Variants in CRYZL1 observed in about 807,000 individuals in gnomAD.
The protein encoded by CRYZL1 is ferry endosomal RAB5 effector complex subunit 4.
A neutral mutation model predicts 50.6 loss-of-function variants in CRYZL1; 34 were observed. That is an observed-to-expected ratio of 0.67 (90% confidence interval 0.51 to 0.89). CRYZL1 has a LOEUF of 0.89. Ranked by LOEUF, CRYZL1 falls within the 40% of genes least tolerant of loss-of-function variation. The pLI is 0.00. For synonymous variants in CRYZL1, 125 were observed against 134.3 expected, an observed-to-expected ratio of 0.93 and a Z score of 0.48; for missense variants, 354 against 402.3, an observed-to-expected ratio of 0.88 and a Z score of 1.03.
At chr21:33,609,726 G>A (rs983603457) in intron 6 of CRYZL1, among the ~76,000 whole-genome samples, 1 of 150,950 alleles carries the variant, frequency 6.6e-6, no homozygotes, top group East Asian at 2.0e-4. Context: ...ACAGAGTCTC[G>A]CTCTATCGCT....
At chr21:33,623,372 T>C (rs1362639402) in intron 3 of CRYZL1, among the ~76,000 whole-genome samples, 1 of 152,196 alleles carries the variant, frequency 6.6e-6, no homozygotes, top group Admixed American at 6.6e-5. Context: ...CCCACACAGT[T>C]TTCATAACCA....
At chr21:33,595,149 T>C (rs2086681500) in intron 11 of CRYZL1, 2 of 1,059,332 alleles carry the variant, frequency 1.9e-6, no homozygotes, top group Non-Finnish European at 1.1e-6. Context: ...AAACTTTTTA[T>C]TATTTTTACT....
Position 33,596,586 on chromosome 21 carries a change from C to T in CRYZL1, c.798+694G>A, listed in dbSNP as rs554673823. 4.0e-5 allele frequency among the ~76,000 whole-genome samples: 6 copies of T among 151,652 alleles called. No individual in the cohort carries two copies. In the East Asian group the frequency reaches 5.8e-4, roughly 15 times the overall value. ...CTGGGAGGCAGAGGTTGCAGTGAGC[C>T]GAGATCATGCCATTGTGCTCCAGCC... On this transcript the variant is annotated intron_variant, in intron 10 of 12. Transcript: ENST00000381554.
At chr21:33,590,535 C>A (rs1373635970) in intron 12 of CRYZL1, among the ~76,000 whole-genome samples, 1 of 152,100 alleles carries the variant, frequency 6.6e-6, no homozygotes. Context: ...CCTGCCCCAG[C>A]CTCCCAGTAG....
At chr21:33,617,195 T>C (rs537842533) in intron 4 of CRYZL1, 140 of 154,224 alleles carry the variant, frequency 9.1e-4, no homozygotes, top group Middle Eastern at 3.3e-3. Context: ...TTTGTATTTT[T>C]AGTAGAGACA....
intron 1 of CRYZL1, among the ~76,000 whole-genome samples, chr21:33,632,535 G>A (rs909407690): frequency 6.6e-6 from 1 of 151,674 alleles, no homozygotes; most frequent in African/African-American, 2.4e-5. Context: ...GCGCCACCAT[G>A]CCCGGCTAAA....
chr21:33,641,368 A>G (rs2087327564), intron 1 of CRYZL1: 1 of 1,503,516 alleles, frequency 6.7e-7, no homozygotes, highest in African/African-American at 1.4e-5. Flanking sequence ...AGCAGAGGAG[A>G]AAAACCCAAC....
At chr21:33,619,917 T>C (rs1452000455) in intron 4 of CRYZL1, among the ~76,000 whole-genome samples, 2 of 152,228 alleles carry the variant, frequency 1.3e-5, no homozygotes, top group Admixed American at 6.5e-5. Context: ...CCTTTCCTGT[T>C]TCTTCTGGCC....
intron 1 of CRYZL1, among the ~76,000 whole-genome samples, chr21:33,632,637 C>CA (rs1358921995): frequency 6.6e-6 from 1 of 152,168 alleles, no homozygotes; most frequent in Non-Finnish European, 1.5e-5. Context: ...CTCGGCCTCC[C>CA]AAAGTGCTGG....
chr21:33,596,177 C>T (rs529892396), intron 10 of CRYZL1: 1 of 510,208 alleles, frequency 2.0e-6, no homozygotes, highest in East Asian at 5.8e-5. Context: ...TATCAGCCAT[C>T]ATGTAAATAT....
At chr21:33,592,777 T>G (rs549262509) in intron 11 of CRYZL1, among the ~76,000 whole-genome samples, 1 of 152,066 alleles carries the variant, frequency 6.6e-6, no homozygotes, top group Admixed American at 6.5e-5. Context: ...TAGGGCTGGG[T>G]GCGGTGGCTA....
intron 4 of CRYZL1, among the ~76,000 whole-genome samples, chr21:33,620,333 C>T (rs534326956): frequency 3.6e-4 from 54 of 152,094 alleles, no homozygotes; most frequent in South Asian, 6.2e-4. Flanking sequence ...ATATCAAATG[C>T]CTGATATAAG....
intron 1 of CRYZL1, among the ~76,000 whole-genome samples, chr21:33,635,347 T>A (rs2087192358): frequency 1.0e-4 from 1 of 9,788 alleles, no homozygotes. Flanking sequence ...AGTATTAAAC[T>A]TTTTTTTTTT....
At chr21:33,600,792 T>C (rs80195162) in intron 8 of CRYZL1, among the ~76,000 whole-genome samples, 1 of 146,736 alleles carries the variant, frequency 6.8e-6, no homozygotes, top group Non-Finnish European at 1.5e-5. Flanking sequence ...TGCCAGCTAA[T>C]TTTTTTTTTG....
At chr21:33,599,950 C>T (rs1343087333) in intron 8 of CRYZL1, among the ~76,000 whole-genome samples, 1 of 151,894 alleles carries the variant, frequency 6.6e-6, no homozygotes, top group East Asian at 1.9e-4. Flanking sequence ...AGTAGTTTCT[C>T]AAGTATGTTC....
rs191620781 is a variant in CRYZL1, at chr21:33,597,858, C to G, written c.677-457G>C. Among the ~76,000 whole-genome samples the G allele has an allele frequency of 5.6e-3, 858 of 152,270 alleles. 26 individuals are homozygous for G. Among genetic ancestry groups the G allele is most frequent in the Non-Finnish European group, 1.2e-3 (85 of 68,012 alleles). On this transcript the variant is annotated intron_variant, in intron 9 of 12. Transcript: ENST00000381554. ...CTCAATCTCCTGACCTCGTGATCCG[C>G]CCGCCTCGGCCTCCCAAAGTGCTGG...
At chr21:33,635,910 G>A (rs1298986838) in intron 1 of CRYZL1, among the ~76,000 whole-genome samples, 1 of 152,066 alleles carries the variant, frequency 6.6e-6, no homozygotes, top group Non-Finnish European at 1.5e-5. Context: ...GAATCTGGGA[G>A]GCAGAGGTTG....
chr21:33,608,751 C>T (rs2086839789), intron 6 of CRYZL1, among the ~76,000 whole-genome samples: 1 of 152,124 alleles, frequency 6.6e-6, no homozygotes, highest in Admixed American at 6.6e-5. Flanking sequence ...ATATCTATAT[C>T]ATATTATTCA....
At chr21:33,619,663 C>T (rs1355178600) in intron 4 of CRYZL1, among the ~76,000 whole-genome samples, 1 of 152,068 alleles carries the variant, frequency 6.6e-6, no homozygotes, top group Non-Finnish European at 1.5e-5. Flanking sequence ...GCTGGGATTA[C>T]AGGTGTAATC....
Sources: gnomAD v4.1 joint callset for allele counts (sites outside exome capture counted in the v4.1 genomes callset) on GRCh38, gnomAD v4.1.1 for gene constraint, MANE v1.5 for transcripts, NCBI Gene and HGNC (gene_info 2026-07-23, HGNC 2026-07-21) for gene names.